MAML3: variants seen among roughly 807,000 people sequenced by gnomAD.
The protein encoded by MAML3 is mastermind like transcriptional coactivator 3.
In MAML3, 27 loss-of-function variants were observed where a neutral mutation model predicts 101.9. That is an observed-to-expected ratio of 0.27 (90% confidence interval 0.20 to 0.37). MAML3 has a LOEUF of 0.37. Among genes scored for constraint, MAML3 ranks in the 10% least tolerant of loss-of-function variants. The probability of loss-of-function intolerance (pLI) is 1.00; values close to 1 mark genes in which losing one functional copy is unlikely to be tolerated. For missense variants in MAML3, 1,316 were observed against 1,444.9 expected, an observed-to-expected ratio of 0.91 and a Z score of 1.45; for synonymous variants, 501 against 555.9, an observed-to-expected ratio of 0.90 and a Z score of 1.39.
intron 2 of MAML3, among the ~76,000 whole-genome samples, chr4:139,807,695 G>A (rs1730725074): frequency 6.6e-6 from 1 of 152,204 alleles, no homozygotes; most frequent in South Asian, 2.1e-4. Context: ...GAGGAACACA[G>A]TTCTTTGCCA....
intron 1 of MAML3, among the ~76,000 whole-genome samples, chr4:139,916,875 G>C (rs1399455252): frequency 6.6e-6 from 1 of 152,220 alleles, no homozygotes; most frequent in African/African-American, 2.4e-5. Flanking sequence ...GTGACTTGCA[G>C]GGATTTTCAA....
intron 1 of MAML3, among the ~76,000 whole-genome samples, chr4:140,005,319 A>G (rs542604852): frequency 6.9e-4 from 105 of 152,352 alleles, no homozygotes; most frequent in African/African-American, 2.1e-3. Context: ...CTTAACCTGG[A>G]AACATTAGGA....
At chr4:140,137,148 C>T (rs1728904024) in intron 1 of MAML3, among the ~76,000 whole-genome samples, 1 of 152,190 alleles carries the variant, frequency 6.6e-6, no homozygotes, top group Non-Finnish European at 1.5e-5. Flanking sequence ...GCCACCGCGC[C>T]CGGCTAATTT....
At chr4:139,803,332 C>A (rs1285383092) in intron 2 of MAML3, among the ~76,000 whole-genome samples, 1 of 152,162 alleles carries the variant, frequency 6.6e-6, no homozygotes, top group Non-Finnish European at 1.5e-5. Context: ...TTTTTAAAAT[C>A]ATAGTTTATC....
At chr4:139,747,380 G>A (rs1481310696) in intron 2 of MAML3, among the ~76,000 whole-genome samples, 2 of 152,172 alleles carry the variant, frequency 1.3e-5, no homozygotes, top group Non-Finnish European at 2.9e-5. Context: ...ATGAATTCTA[G>A]GGGGAAGAAC....
chr4:139,770,199 G>A (rs984819405), intron 2 of MAML3, among the ~76,000 whole-genome samples: 4 of 152,088 alleles, frequency 2.6e-5, no homozygotes, highest in African/African-American at 9.7e-5. Flanking sequence ...CCCAAAGTAC[G>A]GGCATTACAG....
At chr4:139,887,525 C>A (rs921239149) in intron 2 of MAML3, among the ~76,000 whole-genome samples, 4 of 152,224 alleles carry the variant, frequency 2.6e-5, no homozygotes, top group African/African-American at 9.6e-5. Flanking sequence ...GTTAGGCAGG[C>A]ATAAGGACCT....
intron 1 of MAML3, among the ~76,000 whole-genome samples, chr4:139,948,974 T>A (rs1008355029): frequency 2.0e-5 from 3 of 152,184 alleles, no homozygotes; most frequent in Non-Finnish European, 4.4e-5. Flanking sequence ...TACGCCTTAT[T>A]GACATGCTTC....
chr4:139,783,337 C>G (rs909545293), intron 2 of MAML3, among the ~76,000 whole-genome samples: 1 of 152,142 alleles, frequency 6.6e-6, no homozygotes, highest in African/African-American at 2.4e-5. Context: ...GGAGTCAGGT[C>G]CTAATTGTTG....
chr4:139,850,943 T>C (rs944486743), intron 2 of MAML3, among the ~76,000 whole-genome samples: 2 of 151,958 alleles, frequency 1.3e-5, no homozygotes, highest in African/African-American at 2.4e-5. Flanking sequence ...TACCAAAATG[T>C]AAGATATGGT....
At chr4:139,852,005 G>A (rs1039848126) in intron 2 of MAML3, among the ~76,000 whole-genome samples, 1 of 152,184 alleles carries the variant, frequency 6.6e-6, no homozygotes, top group African/African-American at 2.4e-5. Flanking sequence ...GCTGCTAATT[G>A]AAATTTGAGC....
At chr4:139,864,694 A>AAAG (rs1731858383) in intron 2 of MAML3, among the ~76,000 whole-genome samples, 1 of 149,946 alleles carries the variant, frequency 6.7e-6, no homozygotes, top group Admixed American at 6.6e-5. Context: ...AAAAAAAAAA[A>AAAG]AAAAAGAAAA....
At chr4:139,769,455 A>G (rs931046647) in intron 2 of MAML3, among the ~76,000 whole-genome samples, 5 of 152,200 alleles carry the variant, frequency 3.3e-5, no homozygotes, top group African/African-American at 1.2e-4. Context: ...GCTCTAGTTG[A>G]CCATGATGAG....
chr4:139,990,885 T>C (rs1336295361), intron 1 of MAML3, among the ~76,000 whole-genome samples: 4 of 152,106 alleles, frequency 2.6e-5, no homozygotes, highest in South Asian at 2.1e-4. Flanking sequence ...CATACCACTG[T>C]TCAATGAAAT....
intron 1 of MAML3, among the ~76,000 whole-genome samples, chr4:140,077,921 G>A (rs1361312579): frequency 6.6e-6 from 1 of 152,066 alleles, no homozygotes; most frequent in African/African-American, 2.4e-5. Flanking sequence ...GGGAGGCCCA[G>A]GCAGGAGAAT....
rs146011923 is a variant in MAML3, at chr4:140,140,308, G to A, written c.468+12552C>T. ...CACTGCACTCCAGCCTGGGTGACAG[G>A]GTGAGATTCCGTCTCAAAAAATAAA... On this transcript the variant is annotated intron_variant, in intron 1 of 4. Transcript: ENST00000509479. Among the ~76,000 whole-genome samples the A allele has an allele frequency of 3.7e-4, 56 of 151,518 alleles. 1 individual carries two copies. Among genetic ancestry groups the A allele is most frequent in the South Asian group, 8.3e-4 (4 of 4,804 alleles).
At chr4:139,834,607 G>A (rs980545627) in intron 2 of MAML3, among the ~76,000 whole-genome samples, 2 of 152,226 alleles carry the variant, frequency 1.3e-5, no homozygotes, top group African/African-American at 2.4e-5. Flanking sequence ...AAGTGATGCT[G>A]ATGCTGATGG....
intron 2 of MAML3, among the ~76,000 whole-genome samples, chr4:139,837,436 T>G (rs1731274864): frequency 6.6e-6 from 1 of 151,936 alleles, no homozygotes; most frequent in African/African-American, 2.4e-5. Flanking sequence ...AAGTGGACCT[T>G]GCAGTGAGCT....
In MAML3 at chr4:139,920,371, G is replaced by A. The variant is rs1427810253; in HGVS notation, c.469-29404C>T. On this transcript the variant is annotated intron_variant, in intron 1 of 4. Transcript: ENST00000509479. ...TTGCTTACTGAGCCCAGGACTGGCT[G>A]TGTATCCACACCAGCAACACTTCTG... Among the ~76,000 whole-genome samples the A allele has an allele frequency of 2.0e-5, 3 of 152,324 alleles. No individual in the cohort carries two copies. The East Asian group carries it at 5.8e-4, about 29-fold the overall frequency.
Sources: gnomAD v4.1 joint callset for allele counts (sites outside exome capture counted in the v4.1 genomes callset) on GRCh38, gnomAD v4.1.1 for gene constraint, MANE v1.5 for transcripts, NCBI Gene and HGNC (gene_info 2026-07-23, HGNC 2026-07-21) for gene names.